The following MARK1 variants were observed in gnomAD, a reference collection of about 807,000 sequenced individuals.
The protein encoded by MARK1 is serine/threonine-protein kinase MARK1.
MARK1 carries 40 observed loss-of-function variants against 96.3 expected under a neutral mutation model. That is an observed-to-expected ratio of 0.42 (90% CI 0.32 to 0.54). MARK1 has a LOEUF of 0.54. Among genes scored for constraint, MARK1 ranks in the 20% least tolerant of loss-of-function variants. The probability of loss-of-function intolerance (pLI) is 0.16; values close to 1 mark genes in which losing one functional copy is unlikely to be tolerated. For synonymous variants in MARK1, 317 were observed against 341.2 expected (o/e 0.93, Z 0.78); for missense variants, 719 against 984.6 (o/e 0.73, Z 3.61).
chr1:220,553,920 C>G (rs540589474), intron 1 of MARK1, among the ~76,000 whole-genome samples: 1 of 152,312 alleles, frequency 6.6e-6, no homozygotes, highest in East Asian at 1.9e-4. Context: ...GCATGACAGC[C>G]TAGGCCTGTT....
At chr1:220,539,231 G>T (rs1027626127) in intron 1 of MARK1, among the ~76,000 whole-genome samples, 39 of 152,184 alleles carry the variant, frequency 2.6e-4, no homozygotes, top group Non-Finnish European at 5.0e-4. Context: ...TTATTATTTT[G>T]AGATATGTCC....
At chr1:220,606,422 T>C (rs1191845575) in intron 6 of MARK1, among the ~76,000 whole-genome samples, 1 of 152,226 alleles carries the variant, frequency 6.6e-6, no homozygotes, top group East Asian at 1.9e-4. Flanking sequence ...TTCTGGATAT[T>C]AGCCCTTTGT....
chr1:220,582,034 T>C (rs191765520), intron 3 of MARK1, among the ~76,000 whole-genome samples: 10 of 152,326 alleles, frequency 6.6e-5, no homozygotes, highest in Non-Finnish European at 1.2e-4. Context: ...GAAAGAATCT[T>C]ATAAGAAATT....
intron 6 of MARK1, among the ~76,000 whole-genome samples, chr1:220,607,129 C>T (rs139923456): frequency 6.6e-6 from 1 of 152,110 alleles, no homozygotes. Context: ...GCCATTTTCA[C>T]AATATTGATT....
At chr1:220,588,043 C>G (rs914267187) in intron 3 of MARK1, among the ~76,000 whole-genome samples, 1 of 152,092 alleles carries the variant, frequency 6.6e-6, no homozygotes, top group Non-Finnish European at 1.5e-5. Flanking sequence ...ACATTCTTGC[C>G]AACACTTTAT....
intron 3 of MARK1, among the ~76,000 whole-genome samples, chr1:220,586,313 C>A (rs1664626424): frequency 6.6e-6 from 1 of 152,070 alleles, no homozygotes. Context: ...CAGGCCTTTG[C>A]AACTTTCTCC....
chr1:220,565,979 T>G (rs1348294981), intron 1 of MARK1, among the ~76,000 whole-genome samples: 1 of 152,108 alleles, frequency 6.6e-6, no homozygotes, highest in Non-Finnish European at 1.5e-5. Context: ...AAAGCATAGG[T>G]CTTATAGTAA....
At chr1:220,639,385 T>C (rs1668146629) in intron 13 of MARK1, among the ~76,000 whole-genome samples, 1 of 152,252 alleles carries the variant, frequency 6.6e-6, no homozygotes, top group Non-Finnish European at 1.5e-5. Context: ...ATTTCACTTA[T>C]AATAGTTTGG....
chr1:220,579,263 G>A, intron 1 of MARK1, 91 bp from the exon 2 acceptor site: 1 of 868,466 alleles, frequency 1.2e-6, no homozygotes. Flanking sequence ...TTTTATTGAA[G>A]AATTGGTAAT....
At chr1:220,537,212 A>G (rs1660762968) in intron 1 of MARK1, among the ~76,000 whole-genome samples, 1 of 145,230 alleles carries the variant, frequency 6.9e-6, no homozygotes, top group Non-Finnish European at 1.5e-5. Flanking sequence ...AGCATTAGGT[A>G]TATCTCCTAA....
At chr1:220,558,180 T>A (rs778403670) in intron 1 of MARK1, among the ~76,000 whole-genome samples, 31 of 141,056 alleles carry the variant, frequency 2.2e-4, no homozygotes, top group Admixed American at 5.1e-4. Flanking sequence ...AATAATAATA[T>A]GGGAAATGGC....
intron 1 of MARK1, among the ~76,000 whole-genome samples, chr1:220,575,276 G>A (rs750710751): frequency 6.6e-6 from 1 of 152,178 alleles, no homozygotes; most frequent in African/African-American, 2.4e-5. Context: ...TGGAAAACTT[G>A]AAGAAAGAAT....
At chr1:220,661,001 G>A (rs1416687171) in intron 17 of MARK1, among the ~76,000 whole-genome samples, 1 of 152,202 alleles carries the variant, frequency 6.6e-6, no homozygotes, top group Non-Finnish European at 1.5e-5. Context: ...ATAGGAGTTA[G>A]GGTACAATAT....
intron 16 of MARK1, among the ~76,000 whole-genome samples, 166 bp from the exon 17 acceptor site, chr1:220,657,624 G>A (rs1207880624): frequency 1.3e-5 from 2 of 152,120 alleles, no homozygotes; most frequent in East Asian, 3.9e-4. Flanking sequence ...AATTACATGC[G>A]GTTATGGTGA....
intron 1 of MARK1, among the ~76,000 whole-genome samples, chr1:220,532,297 A>G (rs758918927): frequency 6.6e-6 from 1 of 152,212 alleles, no homozygotes; most frequent in Non-Finnish European, 1.5e-5. Context: ...TGTTAATGGC[A>G]TGAAGAAGCG....
chr1:220,567,791 G>A (rs1663160074), intron 1 of MARK1, among the ~76,000 whole-genome samples: 1 of 152,196 alleles, frequency 6.6e-6, no homozygotes, highest in African/African-American at 2.4e-5. Flanking sequence ...GAGGCTCAGA[G>A]AGGTAACTTC....
chr1:220,655,312 G>A (rs1378128308), intron 16 of MARK1, among the ~76,000 whole-genome samples: 1 of 152,084 alleles, frequency 6.6e-6, no homozygotes, highest in African/African-American at 2.4e-5. Context: ...CGTCCTGTAT[G>A]AACAACTCCT....
chr1:220,628,906 A>G (rs961767582), intron 9 of MARK1, among the ~76,000 whole-genome samples: 2 of 147,206 alleles, frequency 1.4e-5, no homozygotes, highest in African/African-American at 5.4e-5. Context: ...ACATAGTGAG[A>G]CCCTGTCTTT....
intron 1 of MARK1, among the ~76,000 whole-genome samples, chr1:220,549,233 C>T (rs1661702321): frequency 1.3e-5 from 2 of 152,172 alleles, no homozygotes; most frequent in Non-Finnish European, 2.9e-5. Context: ...CTTGGGAAGC[C>T]ACTTAACTTC....
Sources: gnomAD v4.1 joint callset for allele counts (sites outside exome capture counted in the v4.1 genomes callset) on GRCh38, gnomAD v4.1.1 for gene constraint, MANE v1.5 for transcripts, NCBI Gene and HGNC (gene_info 2026-07-23, HGNC 2026-07-21) for gene names.